PAK5: variants seen among roughly 807,000 people sequenced by gnomAD.
The protein encoded by PAK5 is serine/threonine-protein kinase PAK 5.
In PAK5, 16 loss-of-function variants were observed where a neutral mutation model predicts 65.9. That is an observed-to-expected ratio of 0.24 (90% CI 0.16 to 0.37). PAK5 has a LOEUF of 0.37. PAK5 is among the 10% of genes least tolerant of loss of function. The pLI, the probability that PAK5 is intolerant of heterozygous loss-of-function variation, is 1.00. For synonymous variants in PAK5, 371 were observed against 354.9 expected (o/e 1.05, Z -0.51); for missense variants, 785 against 903.9 (o/e 0.87, Z 1.69).
intron 2 of PAK5, among the ~76,000 whole-genome samples, chr20:9,691,792 T>C (rs2047801503): frequency 6.6e-6 from 1 of 152,200 alleles, no homozygotes; most frequent in Non-Finnish European, 1.5e-5. Flanking sequence ...AATACTTATT[T>C]CCTATCAAGA....
intron 1 of PAK5, among the ~76,000 whole-genome samples, chr20:9,811,953 C>T (rs1328674511): frequency 6.6e-6 from 1 of 152,098 alleles, no homozygotes; most frequent in Admixed American, 6.6e-5. Context: ...TCCTTATTCT[C>T]ATAAAGAAAA....
At chr20:9,653,936 T>C (rs1182176889) in intron 2 of PAK5, among the ~76,000 whole-genome samples, 1 of 149,962 alleles carries the variant, frequency 6.7e-6, no homozygotes, top group African/African-American at 2.5e-5. Context: ...TCTTTCCCAC[T>C]TTCTTTTTAT....
intron 1 of PAK5, among the ~76,000 whole-genome samples, chr20:9,716,904 C>T (rs1201958651): frequency 2.0e-5 from 3 of 151,850 alleles, no homozygotes; most frequent in Non-Finnish European, 2.9e-5. Context: ...AGCAACATGG[C>T]GAAACCCCGT....
At chr20:9,758,356 C>T (rs2048659565) in intron 1 of PAK5, among the ~76,000 whole-genome samples, 2 of 152,288 alleles carry the variant, frequency 1.3e-5, no homozygotes, top group Middle Eastern at 6.8e-3. Context: ...AAGGGAGTGG[C>T]ATCGAACACA....
intron 1 of PAK5, among the ~76,000 whole-genome samples, chr20:9,817,825 T>C (rs1329389455): frequency 6.6e-6 from 1 of 152,190 alleles, no homozygotes; most frequent in Non-Finnish European, 1.5e-5. Flanking sequence ...CTATGATTTA[T>C]GTCAAATTCC....
intron 1 of PAK5, among the ~76,000 whole-genome samples, chr20:9,720,942 T>C (rs2048205985): frequency 6.6e-6 from 1 of 151,874 alleles, no homozygotes; most frequent in Non-Finnish European, 1.5e-5. Flanking sequence ...TACCAGAGAC[T>C]TGGGAACAGG....
chr20:9,559,189 T>C (rs886610659), intron 6 of PAK5, among the ~76,000 whole-genome samples: 2 of 152,174 alleles, frequency 1.3e-5, no homozygotes, highest in African/African-American at 4.8e-5. Flanking sequence ...TTCTTCCCTA[T>C]CCCATGTTAA....
chr20:9,563,419 C>A (rs1172896251), intron 5 of PAK5, among the ~76,000 whole-genome samples: 4 of 152,160 alleles, frequency 2.6e-5, no homozygotes, highest in Admixed American at 2.6e-4. Context: ...GTCACCAACT[C>A]GTAGTAATTG....
chr20:9,791,546 T>C (rs2049050302), intron 1 of PAK5, among the ~76,000 whole-genome samples: 1 of 152,096 alleles, frequency 6.6e-6, no homozygotes, highest in Non-Finnish European at 1.5e-5. Flanking sequence ...CTGATGACTT[T>C]TCTCTGACCA....
At chr20:9,613,909 AC>A (rs1167487890) in intron 3 of PAK5, among the ~76,000 whole-genome samples, 3 of 152,164 alleles carry the variant, frequency 2.0e-5, no homozygotes, top group Non-Finnish European at 2.9e-5. Context: ...CCTATTTGCC[AC>A]CGTTTCTGAC....
chr20:9,577,894 G>T (rs2045914674), intron 4 of PAK5, among the ~76,000 whole-genome samples: 1 of 152,132 alleles, frequency 6.6e-6, no homozygotes, highest in African/African-American at 2.4e-5. Context: ...TTTGTGCATT[G>T]TTTCTGGGCT....
chr20:9,644,032 T>G (rs2123275250), intron 3 of PAK5, 93 bp downstream of exon 3: 2 of 868,418 alleles, frequency 2.3e-6, no homozygotes, highest in East Asian at 4.9e-5. Flanking sequence ...ATATGTGGTT[T>G]AGGCATTTTA....
At chr20:9,634,942 A>G (rs2046965827) in intron 3 of PAK5, among the ~76,000 whole-genome samples, 1 of 152,126 alleles carries the variant, frequency 6.6e-6, no homozygotes. Context: ...AAATAATATA[A>G]ACAACTTTAA....
At chr20:9,757,775 G>C (rs1963192560) in intron 1 of PAK5, among the ~76,000 whole-genome samples, 1 of 152,116 alleles carries the variant, frequency 6.6e-6, no homozygotes, top group South Asian at 2.1e-4. Flanking sequence ...CCTTCATGCT[G>C]TTCTATTTTT....
At position 9,743,654 on chromosome 20, in the gene PAK5, T is replaced by C. The variant is rs73245024; in HGVS notation, c.-161-32219A>G. On this transcript the variant is annotated intron_variant, in intron 1 of 9. Coordinates refer to ENST00000353224, the MANE Select transcript of PAK5 (RefSeq NM_177990.4). ...ATGATTTGCTCATATTTTTTGCTAG[T>C]TATCAGTGACATTTCTATGTTGGGT... is the stretch of plus-strand genomic sequence containing the variant. 7.0e-3 allele frequency among the ~76,000 whole-genome samples: 1,066 copies of C among 152,264 alleles called. 15 individuals carry two copies. Among genetic ancestry groups the C allele is most frequent in the African/African-American group, 0.023 (951 of 41,558 alleles).
intron 1 of PAK5, among the ~76,000 whole-genome samples, chr20:9,748,283 T>G (rs1350914052): frequency 2.6e-5 from 4 of 152,154 alleles, no homozygotes; most frequent in Non-Finnish European, 5.9e-5. Context: ...ATAGATTCAA[T>G]GCCATCCCCA....
At chr20:9,641,161 C>T (rs1364568880) in intron 3 of PAK5, among the ~76,000 whole-genome samples, 4 of 152,012 alleles carry the variant, frequency 2.6e-5, no homozygotes, top group Non-Finnish European at 5.9e-5. Flanking sequence ...TTTCGACACA[C>T]AGGTTCTCCA....
chr20:9,571,359 TG>T (rs1192408227), intron 4 of PAK5, among the ~76,000 whole-genome samples: 1 of 152,214 alleles, frequency 6.6e-6, no homozygotes, highest in Non-Finnish European at 1.5e-5. Context: ...CTTTTTATTC[TG>T]GGAATCAAGC....
intron 1 of PAK5, among the ~76,000 whole-genome samples, chr20:9,777,776 C>T (rs554983282): frequency 6.6e-6 from 1 of 152,200 alleles, no homozygotes; most frequent in South Asian, 2.1e-4. Flanking sequence ...CCAGGGTCAT[C>T]GATGAGGACA....
Sources: gnomAD v4.1 joint callset for allele counts (sites outside exome capture counted in the v4.1 genomes callset) on GRCh38, gnomAD v4.1.1 for gene constraint, MANE v1.5 for transcripts, NCBI Gene and HGNC (gene_info 2026-07-23, HGNC 2026-07-21) for gene names.